Variants in KCNH1 observed in about 807,000 individuals in gnomAD.
KCNH1 encodes the protein potassium voltage-gated channel subfamily H member 1, also known as voltage-gated delayed rectifier potassium channel KCNH1.
KCNH1 carries 27 observed loss-of-function variants against 69.2 expected under a neutral mutation model. The ratio of observed to expected loss-of-function variants is 0.39; its 90% confidence interval spans 0.29 to 0.54. The LOEUF is 0.54. Ranked by LOEUF, KCNH1 falls within the 20% of genes least tolerant of loss-of-function variation. The pLI is 0.68. For missense variants in KCNH1, 798 were observed against 1,261.6 expected, an observed-to-expected ratio of 0.63 and a Z score of 5.57; for synonymous variants, 456 against 487.7, an observed-to-expected ratio of 0.93 and a Z score of 0.86.
At chr1:210,942,532 C>T (rs1282168901) in intron 6 of KCNH1, among the ~76,000 whole-genome samples, 1 of 152,182 alleles carries the variant, frequency 6.6e-6, no homozygotes, top group African/African-American at 2.4e-5. Context: ...AGCGGAGAAA[C>T]TATTTCTCCA....
intron 5 of KCNH1, among the ~76,000 whole-genome samples, chr1:211,025,260 G>A (rs1406821918): frequency 6.6e-6 from 1 of 152,162 alleles, no homozygotes; most frequent in Non-Finnish European, 1.5e-5. Flanking sequence ...CCTAGAGGTT[G>A]AAGACCCTTT....
At chr1:210,861,563 A>G in intron 7 of KCNH1, 1 of 772,324 alleles carries the variant, frequency 1.3e-6, no homozygotes, top group Admixed American at 1.7e-5. Context: ...AGTCTTTAAA[A>G]TTTCTACCCA....
chr1:210,912,283 G>A (rs1410973868), intron 7 of KCNH1, among the ~76,000 whole-genome samples: 2 of 152,070 alleles, frequency 1.3e-5, no homozygotes, highest in East Asian at 1.9e-4. Context: ...GTCCTGTCCC[G>A]TGAAGATCCT....
chr1:210,992,128 A>G (rs1688949578), intron 6 of KCNH1, among the ~76,000 whole-genome samples: 1 of 152,238 alleles, frequency 6.6e-6, no homozygotes, highest in Admixed American at 6.5e-5. Context: ...TAATCTACAT[A>G]CATATCTAAT....
intron 6 of KCNH1, among the ~76,000 whole-genome samples, chr1:211,003,929 T>A (rs939136826): frequency 6.6e-6 from 1 of 151,952 alleles, no homozygotes; most frequent in Non-Finnish European, 1.5e-5. Context: ...CCGTCTCTAC[T>A]AAAAATACAA....
chr1:210,859,262 A>G, intron 7 of KCNH1: 2 of 1,610,272 alleles, frequency 1.2e-6, no homozygotes, highest in East Asian at 4.5e-5. Context: ...CTTCTCAATC[A>G]TTTTGGATTC....
intron 6 of KCNH1, among the ~76,000 whole-genome samples, chr1:210,941,818 AG>A (rs1687880393): frequency 6.6e-6 from 1 of 152,166 alleles, no homozygotes; most frequent in Non-Finnish European, 1.5e-5. Context: ...TAAGGTAATA[AG>A]GGCCCCCTTC....
rs939773709 is a variant in KCNH1, at chr1:211,043,614, A to C, written c.559-24358T>G. ...ATGAAGCCAGTATCACCCTAATACC[A>C]AAACCAGGAAAGGACATAACCAAAA... On this transcript the variant is annotated intron_variant, in intron 5 of 10. Coordinates refer to ENST00000271751, the MANE Select transcript of KCNH1 (RefSeq NM_172362.3). 2.6e-5 allele frequency among the ~76,000 whole-genome samples: 4 copies of C among 152,200 alleles called. No individual in the cohort carries two copies. In the South Asian group the frequency reaches 8.3e-4, roughly 31 times the overall value.
intron 10 of KCNH1, among the ~76,000 whole-genome samples, chr1:210,714,354 G>A (rs1682159152): frequency 6.6e-6 from 1 of 152,178 alleles, no homozygotes; most frequent in Non-Finnish European, 1.5e-5. Context: ...ATGATACTTG[G>A]TTTGGGATAG....
At chr1:210,814,973 T>TA (rs1684782545) in intron 7 of KCNH1, among the ~76,000 whole-genome samples, 2 of 152,212 alleles carry the variant, frequency 1.3e-5, no homozygotes, top group Admixed American at 1.3e-4. Flanking sequence ...TTGTTAATGC[T>TA]GTTGACAAGC....
At chr1:210,745,184 A>G (rs958744061) in intron 10 of KCNH1, among the ~76,000 whole-genome samples, 2 of 60,532 alleles carry the variant, frequency 3.3e-5, no homozygotes. Context: ...AGCCTGGGTA[A>G]CAGACTGAGA....
intron 6 of KCNH1, among the ~76,000 whole-genome samples, chr1:210,960,367 C>A (rs1688270157): frequency 1.3e-5 from 2 of 152,188 alleles, no homozygotes; most frequent in African/African-American, 2.4e-5. Flanking sequence ...AAGATAATGG[C>A]ATTTCATGAC....
At chr1:210,688,600 A>G (rs1681457789) in intron 10 of KCNH1, among the ~76,000 whole-genome samples, 1 of 152,222 alleles carries the variant, frequency 6.6e-6, no homozygotes, top group South Asian at 2.1e-4. Context: ...ACCCTAAAGG[A>G]CTTCCATTTT....
chr1:211,051,984 A>T (rs1211186479), intron 5 of KCNH1, among the ~76,000 whole-genome samples: 1 of 150,376 alleles, frequency 6.6e-6, no homozygotes, highest in Non-Finnish European at 1.5e-5. Context: ...GAAAAAAAAA[A>T]TGCAGAAAAT....
intron 6 of KCNH1, among the ~76,000 whole-genome samples, chr1:211,002,441 T>C (rs953615673): frequency 9.3e-5 from 14 of 150,694 alleles, no homozygotes; most frequent in Non-Finnish European, 1.0e-4. Flanking sequence ...CAATCCAAAA[T>C]AACTAGCACA....
rs1291852622 is a variant in KCNH1 at position 211,133,852 on chromosome 1, G to A, written c.79+15C>T. 1 of 1,603,840 alleles carries A rather than the reference G, an allele frequency of 6.2e-7. No individual in the cohort carries two copies. Among genetic ancestry groups the A allele is most frequent in the Admixed American group, 1.7e-5 (1 of 58,828 alleles). On this transcript the variant is annotated intron_variant, in intron 1 of 10. Transcript: ENST00000271751. This position sits in a 1 kb window ranked among gnomAD's most constrained non-coding sequence, Gnocchi z 5.4. ...TAAAACGCCCGGGTAATCGAAATCC[G>A]AATGCACCTCTTACCATTGGACCGC...
At chr1:210,792,308 A>T (rs888093872) in intron 9 of KCNH1, among the ~76,000 whole-genome samples, 1 of 152,046 alleles carries the variant, frequency 6.6e-6, no homozygotes, top group African/African-American at 2.4e-5. Flanking sequence ...CCCCCTTTCT[A>T]AAACTCTCTC....
Position 211,133,811 on chromosome 1 carries a change from G to C in KCNH1, c.79+56C>G. 6.7e-7 allele frequency: 1 copy of C among 1,497,236 alleles called. No homozygotes were observed. Among genetic ancestry groups the C allele is most frequent in the Non-Finnish European group, 9.3e-7 (1 of 1,079,246 alleles). The allele number at this position is 1,497,236 out of a possible 1,614,324, so 92.7% of individuals were successfully genotyped here. Reference sequence around the variant, plus strand: ...CTGGCTCCGAGCGGCGAGAGGTTCTGCAATAAAGGCACGGATAAAACGCCC... The same window carrying C: ...CTGGCTCCGAGCGGCGAGAGGTTCTCCAATAAAGGCACGGATAAAACGCCC... On this transcript the variant is annotated intron_variant, in intron 1 of 10. Coordinates refer to ENST00000271751, the MANE Select transcript of KCNH1 (RefSeq NM_172362.3). This position sits in a 1 kb window ranked among gnomAD's most constrained non-coding sequence, Gnocchi z 5.4.
chr1:210,882,794 A>G (rs908445904), intron 7 of KCNH1, among the ~76,000 whole-genome samples: 32 of 152,166 alleles, frequency 2.1e-4, no homozygotes, highest in African/African-American at 6.0e-4. Context: ...GTTTGGAAAG[A>G]AGAAATCGAT....
Sources: gnomAD v4.1 joint callset for allele counts (sites outside exome capture counted in the v4.1 genomes callset) on GRCh38, gnomAD v4.1.1 for gene constraint, Gnocchi (gnomAD v3.1) non-coding constraint, MANE v1.5 for transcripts, NCBI Gene and HGNC (gene_info 2026-07-23, HGNC 2026-07-21) for gene names.